The following BMP5 variants were observed in gnomAD, a reference collection of about 807,000 sequenced individuals.
The protein encoded by BMP5 is bone morphogenetic protein 5.
Under a neutral mutation model 46.6 loss-of-function variants are expected in BMP5, and 23 were observed. The ratio of observed to expected loss-of-function variants is 0.49; its 90% CI spans 0.35 to 0.70. The LOEUF is 0.70. BMP5 is among the 30% of genes least tolerant of loss of function. BMP5 has a pLI of 0.00. For synonymous variants in BMP5, 204 were observed against 191.9 expected (o/e 1.06, Z -0.52); for missense variants, 545 against 565.6 (o/e 0.96, Z 0.37).
chr6:55,847,810 G>A (rs16887283), intron 1 of BMP5, among the ~76,000 whole-genome samples: 62,218 of 151,456 alleles, frequency 0.41, 13,464 homozygotes, highest in African/African-American at 0.53. Context: ...TCAGTGATAT[G>A]TCTCAATATT....
At chr6:55,819,593 T>C in intron 2 of BMP5, 62 bp downstream of exon 2, 1 of 1,354,882 alleles carries the variant, frequency 7.4e-7, no homozygotes, top group East Asian at 2.4e-5. Context: ...GAGTTATCAA[T>C]GGCTTTTACT....
intron 2 of BMP5, among the ~76,000 whole-genome samples, chr6:55,799,165 T>C (rs898228423): frequency 5.3e-5 from 8 of 152,160 alleles, no homozygotes; most frequent in African/African-American, 1.9e-4. Context: ...ATCCCTGCCT[T>C]AAAATGTTTG....
intron 1 of BMP5, among the ~76,000 whole-genome samples, chr6:55,822,412 G>A (rs1346525814): frequency 2.0e-5 from 3 of 151,746 alleles, no homozygotes; most frequent in Non-Finnish European, 4.4e-5. Flanking sequence ...ATTGTCATGT[G>A]TTGGCCTAGG....
chr6:55,813,709 C>T (rs995817914), intron 2 of BMP5, among the ~76,000 whole-genome samples: 4 of 151,160 alleles, frequency 2.6e-5, no homozygotes, highest in Non-Finnish European at 5.9e-5. Flanking sequence ...ACAGCGTGAA[C>T]CAGGGAGACG....
chr6:55,843,719 C>A (rs1428410896), intron 1 of BMP5, among the ~76,000 whole-genome samples: 1 of 151,998 alleles, frequency 6.6e-6, no homozygotes, highest in African/African-American at 2.4e-5. Context: ...CAAATGCAAT[C>A]TTTAACCCAA....
intron 5 of BMP5, 47 bp from the exon 6 acceptor site, chr6:55,759,162 A>C (rs1562023449): frequency 2.7e-5 from 22 of 823,476 alleles, no homozygotes; most frequent in South Asian, 4.9e-5. Context: ...AAAAAAAAAA[A>C]AAAAAAAAAA....
chr6:55,814,146 C>T (rs536086384), intron 2 of BMP5, among the ~76,000 whole-genome samples: 3 of 151,728 alleles, frequency 2.0e-5, no homozygotes, highest in Non-Finnish European at 4.4e-5. Flanking sequence ...CAAAACCTAC[C>T]GATTTATTTT....
chr6:55,833,828 C>T (rs1026971888), intron 1 of BMP5, among the ~76,000 whole-genome samples: 1 of 151,998 alleles, frequency 6.6e-6, no homozygotes, highest in South Asian at 2.1e-4. Flanking sequence ...TCATGGAATC[C>T]TAATGAATTT....
At chr6:55,819,555 A>G in intron 2 of BMP5, 100 bp downstream of exon 2, 1 of 1,026,772 alleles carries the variant, frequency 9.7e-7, no homozygotes. Context: ...ATTGCCCCCA[A>G]AAAAATAATT....
At chr6:55,863,570 GT>G (rs1403357741) in intron 1 of BMP5, among the ~76,000 whole-genome samples, 2 of 152,130 alleles carry the variant, frequency 1.3e-5, no homozygotes, top group Non-Finnish European at 2.9e-5. Flanking sequence ...ATTTATTGTT[GT>G]TATTATTCCT....
intron 4 of BMP5, among the ~76,000 whole-genome samples, chr6:55,771,928 C>A (rs1380433483): frequency 6.6e-6 from 1 of 151,824 alleles, no homozygotes; most frequent in East Asian, 1.9e-4. Flanking sequence ...TCTGAAGTAT[C>A]AAATTTTCTG....
At chr6:55,834,797 G>T (rs1401113444) in intron 1 of BMP5, among the ~76,000 whole-genome samples, 1 of 151,990 alleles carries the variant, frequency 6.6e-6, no homozygotes, top group East Asian at 1.9e-4. Context: ...ATTCCATATG[G>T]AGGCCAGGTG....
chr6:55,755,408 T>G lies in BMP5; in HGVS notation c.*125A>C. 1 of 872,708 alleles carries G rather than the reference T, an allele frequency of 1.1e-6. No individual in the cohort carries two copies. Among genetic ancestry groups the G allele is most frequent in the Non-Finnish European group, 1.8e-6 (1 of 547,366 alleles). 54.1% of individuals were successfully genotyped at this position (872,708 alleles called of 1,614,324 possible). ...ATGACTATATACATGATATTGTACA[T>G]AGGAAAAGAGTCAAAATGAGCCAGA... is the stretch of plus-strand genomic sequence containing the variant. On this transcript the variant is annotated 3_prime_UTR_variant, in exon 7 of 7. Coordinates refer to ENST00000370830, the MANE Select transcript of BMP5 (RefSeq NM_021073.4).
chr6:55,873,464 A>C lies in BMP5; in HGVS notation c.490+912T>G, dbSNP rs3798820. 1.6e-4 allele frequency among the ~76,000 whole-genome samples: 25 copies of C among 152,036 alleles called. No homozygotes were observed. The East Asian group carries it at 4.8e-3, about 29-fold the overall frequency. The stretch of plus-strand genomic sequence containing the variant: ...AAATTTCACCTTCAATTTTTACTAA[A>C]ACATTTAAAGAAAACAACAGCCCTT... On this transcript the variant is annotated intron_variant, in intron 1 of 6. Coordinates refer to ENST00000370830, the MANE Select transcript of BMP5 (RefSeq NM_021073.4).
intron 2 of BMP5, among the ~76,000 whole-genome samples, chr6:55,802,212 A>C (rs186305453): frequency 2.6e-5 from 4 of 152,294 alleles, no homozygotes; most frequent in African/African-American, 9.6e-5. Flanking sequence ...CAATGGTACA[A>C]TGCTAACTCT....
In BMP5 at chr6:55,865,415, T is replaced by A. The variant is rs73744941; in HGVS notation, c.490+8961A>T. On this transcript the variant is annotated intron_variant, in intron 1 of 6. Transcript: ENST00000370830. ...GTTCTAGGACTCTGACCAAAGGTAG[T>A]ATGAAAAGCACCTTTCAGCAGCTAA... 1.2e-3 allele frequency: 605 copies of A among 506,436 alleles called. 2 individuals are homozygous for A. Among genetic ancestry groups the A allele is most frequent in the Middle Eastern group, 0.012 (37 of 3,128 alleles). The allele number at this position is 506,436 out of a possible 1,614,324, so 31.4% of individuals were successfully genotyped here.
At chr6:55,841,708 G>A (rs1329791545) in intron 1 of BMP5, among the ~76,000 whole-genome samples, 1 of 151,992 alleles carries the variant, frequency 6.6e-6, no homozygotes, top group Non-Finnish European at 1.5e-5. Context: ...ACACCCCCTG[G>A]GGTCTTTCTG....
intron 1 of BMP5, among the ~76,000 whole-genome samples, chr6:55,849,734 T>A (rs1582117400): frequency 1.3e-5 from 2 of 152,180 alleles, no homozygotes; most frequent in South Asian, 2.1e-4. Context: ...ATTCCTAATA[T>A]ATAATTTAGA....
chr6:55,816,812 C>CGT lies in BMP5; in HGVS notation c.683+2841_683+2842dup, dbSNP rs147669437. The stretch of plus-strand genomic sequence containing the variant: ...AGAATTGAGAGGGCATGTGCACGTA[C>CGT]GTGTGTGTGTGTGTGTGTGTGTTGT... On this transcript the variant is annotated intron_variant, in intron 2 of 6. Transcript: ENST00000370830. 6.6e-3 allele frequency among the ~76,000 whole-genome samples: 986 copies of CGT among 148,348 alleles called. 3 individuals carry two copies. The highest frequency in any genetic ancestry group is 0.024 in the South Asian group (108 of 4,588).
Sources: allele counts gnomAD v4.1 joint callset (sites outside exome capture counted in the v4.1 genomes callset), GRCh38; gene constraint gnomAD v4.1.1; transcripts MANE v1.5; gene names NCBI Gene and HGNC (gene_info 2026-07-23, HGNC 2026-07-21).